The following GUCY2F variants were observed in gnomAD, a reference collection of about 807,000 sequenced individuals.
The protein encoded by GUCY2F is guanylate cyclase 2F, retinal.
A neutral mutation model predicts 73.1 loss-of-function variants in GUCY2F; 61 were observed. The ratio of observed to expected loss-of-function variants is 0.83; its 90% CI spans 0.68 to 1.03. GUCY2F has a LOEUF of 1.03. Ranked by LOEUF, GUCY2F falls within the 50% of genes least tolerant of loss-of-function variation. The pLI, the probability that GUCY2F is intolerant of heterozygous loss-of-function variation, is 0.00. For synonymous variants in GUCY2F, 331 were observed against 307.8 expected, an observed-to-expected ratio of 1.08 and a Z score of -0.79; for missense variants, 912 against 854.3, an observed-to-expected ratio of 1.07 and a Z score of -0.84.
At chrX:109,422,036 T>A (rs1435225295) in intron 8 of GUCY2F, among the ~76,000 whole-genome samples, 2 of 111,750 alleles carry the variant, frequency 1.8e-5, no homozygotes, top group African/African-American at 6.5e-5. Context: ...AATACTAATT[T>A]ATTTTAATAG....
chrX:109,420,153 A>AGTAAT (rs368648938), intron 8 of GUCY2F, among the ~76,000 whole-genome samples: 310 of 106,796 alleles, frequency 2.9e-3, no homozygotes, highest in African/African-American at 9.9e-3. Context: ...CTACACAAAA[A>AGTAAT]GTAATTCAAA....
chrX:109,405,784 G>A (rs1184258247), intron 9 of GUCY2F, among the ~76,000 whole-genome samples: 1 of 111,698 alleles, frequency 9.0e-6, no homozygotes, highest in Non-Finnish European at 1.9e-5. Flanking sequence ...TTAGCTTACA[G>A]TGTGAGCAGA....
intron 7 of GUCY2F, among the ~76,000 whole-genome samples, chrX:109,433,389 C>G (rs1191059495): frequency 2.7e-5 from 3 of 112,217 alleles, no homozygotes; most frequent in Non-Finnish European, 3.8e-5. Flanking sequence ...GTGACTGTCC[C>G]AAGGTCAGAA....
rs768912904 is a variant in GUCY2F, at chrX:109,393,898, G to A, written c.2425-843C>T. 5.3e-5 allele frequency among the ~76,000 whole-genome samples: 6 copies of A among 112,369 alleles called. No homozygotes were observed. In the South Asian group the frequency reaches 1.9e-3, roughly 35 times the overall value. On this transcript the variant is annotated intron_variant, in intron 12 of 19. Coordinates refer to ENST00000218006, the MANE Select transcript of GUCY2F (RefSeq NM_001522.3). Reference sequence around the variant, plus strand: ...AACAGACATCTAGGGCTCTGTCCCAGTGAACCTCTTATATATAGCTGGGCC... The same window carrying A: ...AACAGACATCTAGGGCTCTGTCCCAATGAACCTCTTATATATAGCTGGGCC...
chrX:109,398,649 C>G lies in GUCY2F; in HGVS notation c.2175G>C (p.Arg725Ser), dbSNP rs1224248503. 8.3e-7 allele frequency: 1 copy of G among 1,209,795 alleles called. No individual in the cohort carries two copies. The highest frequency in any genetic ancestry group is 2.2e-5 in the Admixed American group (1 of 46,055). Residue 725 changes from arginine (R) to serine (S), a missense_variant, in exon 11 of 20, where the codon AGG becomes AGC. By Grantham distance (110) the Arg-to-Ser change is moderately radical. Coordinates refer to ENST00000218006, the MANE Select transcript of GUCY2F (RefSeq NM_001522.3). ...PELLRAPRGS[R>S]LGSFAGDVYS... is the part of the protein sequence containing the mutation. ...AGACATCTCCTGCAAAAGAACCTAA[C>G]CTGCTGCCTCTTGGAGCTCTCAACA...
chrX:109,423,526 G>T (rs1197988877), intron 8 of GUCY2F, among the ~76,000 whole-genome samples: 1 of 109,271 alleles, frequency 9.2e-6, no homozygotes. Context: ...GTGAGTTTTG[G>T]ACACATAAAT....
chrX:109,398,850 G>T, intron 10 of GUCY2F, 152 bp from the exon 11 acceptor site: 1 of 471,464 alleles, frequency 2.1e-6, no homozygotes, highest in Non-Finnish European at 3.5e-6. Flanking sequence ...CCCAGGGTCT[G>T]AATCTATTCT....
At chrX:109,399,543 C>G (rs1397735603) in intron 10 of GUCY2F, among the ~76,000 whole-genome samples, 1 of 111,448 alleles carries the variant, frequency 9.0e-6, no homozygotes, top group East Asian at 2.8e-4. Flanking sequence ...GCACTGTAAG[C>G]AATGTATAAA....
At chrX:109,398,740 C>T (rs762823929) in intron 10 of GUCY2F, 42 bp from the exon 11 acceptor site, 7 of 1,113,950 alleles carry the variant, frequency 6.3e-6, no homozygotes, top group Non-Finnish European at 8.6e-6. Flanking sequence ...GGAGGATTAA[C>T]TGACAATATC....
rs1303319363 is a variant in GUCY2F at position 109,392,947 on chromosome X, C to T, written c.2533G>A (p.Glu845Lys). ...GTTTTCTGTTTTTCAATTTCCAGCTCTTCAGTCCGCTCCCGAATCAAATCT... is the reference window on the plus strand; with the variant it reads ...GTTTTCTGTTTTTCAATTTCCAGCTTTTCAGTCCGCTCCCGAATCAAATCT... ...LEDLIRERTE[E>K]LEIEKQKTEK... Residue 845 changes from glutamate (E) to lysine (K), a missense_variant, in exon 13 of 20, where the codon GAG (glutamate) becomes AAG (lysine). Physicochemically the swap from Glu to Lys is moderately conservative, Grantham distance 56 (BLOSUM62 1). Coordinates refer to ENST00000218006, the MANE Select transcript of GUCY2F (RefSeq NM_001522.3). The T allele has an allele frequency of 1.7e-6, 2 of 1,175,740 alleles. No individual in the cohort carries two copies. The highest frequency in any genetic ancestry group is 2.3e-6 in the Non-Finnish European group (2 of 864,949).
intron 8 of GUCY2F, among the ~76,000 whole-genome samples, chrX:109,423,578 CT>C (rs59884345): frequency 0.059 from 5,622 of 95,906 alleles, 385 homozygotes; most frequent in African/African-American, 0.19. Context: ...TCTTCTTTTC[CT>C]TTTTTTTTTT....
intron 9 of GUCY2F, among the ~76,000 whole-genome samples, chrX:109,405,398 C>G (rs1398026996): frequency 1.8e-5 from 2 of 111,676 alleles, no homozygotes; most frequent in African/African-American, 3.3e-5. Flanking sequence ...AATAGGCAAC[C>G]AGAAAGAAGA....
At chrX:109,388,739 T>C (rs1569355781) in intron 14 of GUCY2F, 76 bp from the exon 15 acceptor site, 2 of 648,788 alleles carry the variant, frequency 3.1e-6, no homozygotes, top group East Asian at 6.6e-5. Context: ...AAGGGTATAA[T>C]GGAGGCCAGG....
In GUCY2F at chrX:109,388,099, G is replaced by A. The variant is rs150305744; in HGVS notation, c.2956+390C>T. ...AGAGCAGAGCAGAGAGAAAAAGGTG[G>A]GGAGTGGATACAGAAGCAAGAGGAG... On this transcript the variant is annotated intron_variant, in intron 15 of 19. Coordinates refer to ENST00000218006, the MANE Select transcript of GUCY2F (RefSeq NM_001522.3). Among the ~76,000 whole-genome samples, 852 of 111,354 alleles carry A rather than the reference G, an allele frequency of 7.7e-3. 7 individuals carry two copies. The highest frequency in any genetic ancestry group is 0.026 in the African/African-American group (803 of 30,632).
chrX:109,415,885 A>G (rs1030390024), intron 8 of GUCY2F, among the ~76,000 whole-genome samples: 31 of 112,322 alleles, frequency 2.8e-4, no homozygotes, highest in African/African-American at 7.7e-4. Context: ...AATGCATAAC[A>G]AAGTCAGAAG....
At chrX:109,384,006 T>G (rs1930378835) in intron 16 of GUCY2F, among the ~76,000 whole-genome samples, 1 of 112,795 alleles carries the variant, frequency 8.9e-6, no homozygotes, top group Non-Finnish European at 1.9e-5. Context: ...GATGACTACT[T>G]CCATGGCCTC....
chrX:109,459,488 G>C (rs779896773), intron 3 of GUCY2F, among the ~76,000 whole-genome samples: 5 of 111,390 alleles, frequency 4.5e-5, no homozygotes, highest in Admixed American at 9.5e-5. Flanking sequence ...GACGTCTATA[G>C]GAAACAGATT....
rs905438613 is a variant in GUCY2F at position 109,445,315 on chromosome X, G to C, written c.1569+2754C>G. On this transcript the variant is annotated intron_variant, in intron 6 of 19. Transcript: ENST00000218006. ...TACTATATTATAAGCATTATGTCAG[G>C]CTAACATTTTAAAAAATATATTGTT... 5.4e-5 allele frequency among the ~76,000 whole-genome samples: 6 copies of C among 111,848 alleles called. No individual in the cohort carries two copies. The East Asian group carries it at 1.7e-3, about 31-fold the overall frequency.
chrX:109,463,376 C>T (rs1225790329), intron 3 of GUCY2F, among the ~76,000 whole-genome samples: 1 of 108,124 alleles, frequency 9.2e-6, no homozygotes, highest in African/African-American at 3.4e-5. Context: ...ACAATCGTGA[C>T]AAACAAGGTA....
Sources: gnomAD v4.1 joint callset for allele counts (sites outside exome capture counted in the v4.1 genomes callset) on GRCh38, gnomAD v4.1.1 for gene constraint, MANE v1.5 for transcripts, NCBI Gene and HGNC (gene_info 2026-07-23, HGNC 2026-07-21) for gene names.